ANXA4: variants seen among roughly 807,000 people sequenced by gnomAD.
The protein encoded by ANXA4 is 35-beta calcimedin.
ANXA4 carries 39 observed loss-of-function variants against 49.8 expected under a neutral mutation model. The ratio of observed to expected loss-of-function variants is 0.78; its 90% CI spans 0.61 to 1.02. ANXA4 has a LOEUF of 1.02. ANXA4 is among the 50% of genes least tolerant of loss of function. The probability of loss-of-function intolerance (pLI) is 0.00; values close to 1 mark genes in which losing one functional copy is unlikely to be tolerated. For synonymous variants in ANXA4, 134 were observed against 152.5 expected (o/e 0.88, Z 0.89); for missense variants, 360 against 410.1 (o/e 0.88, Z 1.05).
intron 2 of ANXA4, among the ~76,000 whole-genome samples, chr2:69,675,158 G>A (rs911053138): frequency 8.5e-5 from 13 of 152,200 alleles, no homozygotes; most frequent in Admixed American, 6.5e-4. Context: ...TCCTGTCCTC[G>A]TGATCCACCT....
intron 11 of ANXA4, 24 bp from the exon 12 acceptor site, chr2:69,820,675 T>C: frequency 6.2e-7 from 1 of 1,612,640 alleles, no homozygotes; most frequent in Admixed American, 1.7e-5. Flanking sequence ...TTTGTATATG[T>C]TTGGATTTCG....
At chr2:69,736,896 G>A (rs2105456952) in intron 3 of ANXA4, among the ~76,000 whole-genome samples, 1 of 152,264 alleles carries the variant, frequency 6.6e-6, no homozygotes, top group African/African-American at 2.4e-5. Flanking sequence ...CCAGTTCCCA[G>A]GTTCAAGTGA....
rs571681327 is a variant in ANXA4 at position 69,749,481 on chromosome 2, C to T, written c.-47+7306C>T. Among the ~76,000 whole-genome samples the T allele has an allele frequency of 3.3e-5, 5 of 152,150 alleles. No individual in the cohort carries two copies. The South Asian group carries it at 1.0e-3, about 32-fold the overall frequency. On this transcript the variant is annotated intron_variant, in intron 1 of 12. Coordinates refer to ENST00000394295, the MANE Select transcript of ANXA4 (RefSeq NM_001153.5). ...AAAATAGTAGAAACAACCTAAACAT[C>T]AGTAAAGATCTGGTTAAATTATGGA... is the stretch of plus-strand genomic sequence containing the variant.
chr2:69,646,573 G>A (rs115842082), intron 1 of ANXA4, among the ~76,000 whole-genome samples: 2,384 of 152,256 alleles, frequency 0.016, 64 homozygotes, highest in African/African-American at 0.053. Flanking sequence ...AAAAGAAAGT[G>A]CCATTTACTA....
At position 69,810,694 on chromosome 2, in the gene ANXA4, G is replaced by C. The variant is rs1376670977; in HGVS notation, c.477+21G>C. On this transcript the variant is annotated intron_variant, in intron 7 of 12. Transcript: ENST00000394295. Reference sequence around the variant, plus strand: ...CAGCTGTGAGTGACTGCTTCTGATGGGGGGCGGGTTTTATCGAAATGTCCA... The same window carrying C: ...CAGCTGTGAGTGACTGCTTCTGATGCGGGGCGGGTTTTATCGAAATGTCCA... 10 of 1,604,508 alleles carry C rather than the reference G, an allele frequency of 6.2e-6. No individual in the cohort carries two copies. In the East Asian group the frequency reaches 2.2e-4, roughly 36 times the overall value.
chr2:69,710,178 G>T lies in ANXA4; in HGVS notation n.767-10596G>T, dbSNP rs182600157. Among the ~76,000 whole-genome samples, 943 of 151,874 alleles carry T rather than the reference G, an allele frequency of 6.2e-3. 21 individuals carry two copies. The highest frequency in any genetic ancestry group is 9.7e-3 in the Admixed American group (148 of 15,242). Reference sequence around the variant, plus strand: ...AATTTTGTATTTTTAGTAGAGACAGGGTTTCACCATATTGGCCAGGCTGGT... The same window carrying T: ...AATTTTGTATTTTTAGTAGAGACAGTGTTTCACCATATTGGCCAGGCTGGT... On this transcript the variant is annotated intron_variant and non_coding_transcript_variant, in intron 2 of 3. Coordinates refer to the ANXA4 transcript ENST00000418066.
At position 69,735,722 on chromosome 2, in the gene ANXA4, C is replaced by T. The variant is rs57848613; in HGVS notation, n.864+14851C>T. ...ACCTGGCAGTGTTCTGCTTGTCTAT[C>T]GCTCCAAAAAATAACACTCAAAATT... On this transcript the variant is annotated intron_variant and non_coding_transcript_variant, in intron 3 of 3. Coordinates refer to the ANXA4 transcript ENST00000418066. 5.1e-3 allele frequency among the ~76,000 whole-genome samples: 771 copies of T among 152,206 alleles called. 9 individuals carry two copies. The highest frequency in any genetic ancestry group is 0.017 in the African/African-American group (706 of 41,532).
intron 2 of ANXA4, among the ~76,000 whole-genome samples, chr2:69,657,571 C>G (rs1676553506): frequency 6.6e-6 from 1 of 151,982 alleles, no homozygotes; most frequent in African/African-American, 2.4e-5. Flanking sequence ...TTTTTGCCTC[C>G]CCAAATATTT....
intron 2 of ANXA4, among the ~76,000 whole-genome samples, chr2:69,679,873 A>G (rs1274496431): frequency 6.6e-6 from 1 of 152,134 alleles, no homozygotes; most frequent in African/African-American, 2.4e-5. Context: ...CTGTTTTTAT[A>G]CCAATACCAC....
intron 3 of ANXA4, among the ~76,000 whole-genome samples, chr2:69,800,297 G>GAT (rs1553362209): frequency 6.6e-6 from 1 of 151,682 alleles, no homozygotes. Flanking sequence ...CTAATTCTTT[G>GAT]GTTACAAGGA....
chr2:69,800,295 T>C (rs1673136149), intron 3 of ANXA4, among the ~76,000 whole-genome samples: 1 of 139,620 alleles, frequency 7.2e-6, no homozygotes, highest in Non-Finnish European at 1.6e-5. Flanking sequence ...TCCTAATTCT[T>C]TGGTTACAAG....
At chr2:69,700,698 A>G (rs1678303364) in intron 2 of ANXA4, among the ~76,000 whole-genome samples, 2 of 152,214 alleles carry the variant, frequency 1.3e-5, no homozygotes, top group African/African-American at 2.4e-5. Flanking sequence ...GTAGCGTGCT[A>G]TATGGTATTA....
chr2:69,761,776 TAAA>T (rs56109057), intron 1 of ANXA4, among the ~76,000 whole-genome samples: 19 of 135,292 alleles, frequency 1.4e-4, no homozygotes, highest in South Asian at 2.3e-4. Flanking sequence ...GATGCTGTCT[TAAA>T]AAAAAAAAAA....
At chr2:69,705,389 C>T (rs1678454005) in intron 2 of ANXA4, among the ~76,000 whole-genome samples, 1 of 152,140 alleles carries the variant, frequency 6.6e-6, no homozygotes. Flanking sequence ...TTGTTAGTCT[C>T]TACTTTTTCT....
chr2:69,702,168 C>T (rs1475868114), intron 2 of ANXA4, among the ~76,000 whole-genome samples: 2 of 151,570 alleles, frequency 1.3e-5, no homozygotes, highest in South Asian at 2.1e-4. Context: ...TGCGCCACCA[C>T]CCATGGCTCA....
chr2:69,808,091 A>G (rs890116308), intron 6 of ANXA4, 95 bp downstream of exon 6: 56 of 1,180,832 alleles, frequency 4.7e-5, no homozygotes, highest in Non-Finnish European at 6.8e-5. Context: ...GACTTTTCAC[A>G]GAACGCTGAG....
intron 11 of ANXA4, 94 bp downstream of exon 11, chr2:69,819,432 TGAAA>T (rs1470778396): frequency 6.8e-6 from 6 of 877,806 alleles, no homozygotes; most frequent in Non-Finnish European, 1.1e-5. Context: ...AACTTTGCTC[TGAAA>T]GATCCAATTC....
At chr2:69,739,263 CCTGGTTT>C (rs1194292805), upstream of ANXA4, among the ~76,000 whole-genome samples, 1 of 152,174 alleles carries the variant, frequency 6.6e-6, no homozygotes, top group Non-Finnish European at 1.5e-5. Context: ...TTTCCCTACT[CCTGGTTT>C]GGAAGTCGGC....
intron 2 of ANXA4, among the ~76,000 whole-genome samples, chr2:69,705,117 A>C (rs1678446186): frequency 6.6e-6 from 1 of 151,858 alleles, no homozygotes; most frequent in Admixed American, 6.6e-5. Flanking sequence ...GAGACTGCCC[A>C]CTACTTCTAC....
Sources: gnomAD v4.1 joint callset for allele counts (sites outside exome capture counted in the v4.1 genomes callset) on GRCh38, gnomAD v4.1.1 for gene constraint, MANE v1.5 for transcripts, NCBI Gene and HGNC (gene_info 2026-07-23, HGNC 2026-07-21) for gene names.